CNTN6: variants seen among roughly 807,000 people sequenced by gnomAD.
The protein encoded by CNTN6 is contactin 6, also known as contactin-6.
CNTN6 carries 137 observed loss-of-function variants against 122.8 expected under a neutral mutation model. The observed-to-expected ratio is 1.12, with a 90% confidence interval of 0.97 to 1.29. The LOEUF (loss-of-function observed/expected upper bound fraction) is 1.29. CNTN6 is among the 50% of genes most tolerant of loss of function. The pLI is 0.00. For missense variants in CNTN6, 1,634 were observed against 1,223.4 expected, an observed-to-expected ratio of 1.34 and a Z score of -5.01; for synonymous variants, 570 against 426.0, an observed-to-expected ratio of 1.34 and a Z score of -4.16.
At chr3:1,149,668 G>T (rs899184583) in intron 2 of CNTN6, among the ~76,000 whole-genome samples, 1 of 152,064 alleles carries the variant, frequency 6.6e-6, no homozygotes, top group Non-Finnish European at 1.5e-5. Context: ...AAGATTTGGG[G>T]TTAAATAATA....
At chr3:1,211,716 C>G (rs796177210) in intron 2 of CNTN6, among the ~76,000 whole-genome samples, 4 of 152,076 alleles carry the variant, frequency 2.6e-5, no homozygotes, top group African/African-American at 7.2e-5. Flanking sequence ...TCTACCTCCT[C>G]ATGAGTTTTA....
At chr3:1,354,273 T>C (rs17193327) in intron 12 of CNTN6, among the ~76,000 whole-genome samples, 5,079 of 151,142 alleles carry the variant, frequency 0.034, 117 homozygotes, top group South Asian at 0.057. Flanking sequence ...TAAGTTTATC[T>C]ACACTTTCAA....
chr3:1,364,850 A>C (rs1314783574), intron 12 of CNTN6, among the ~76,000 whole-genome samples: 1 of 151,980 alleles, frequency 6.6e-6, no homozygotes, highest in Non-Finnish European at 1.5e-5. Flanking sequence ...TACTCTTCTT[A>C]AGAATAGGAC....
intron 2 of CNTN6, among the ~76,000 whole-genome samples, chr3:1,198,803 C>T (rs915709683): frequency 4.6e-5 from 7 of 151,990 alleles, no homozygotes; most frequent in African/African-American, 9.7e-5. Context: ...CCAAAGCATC[C>T]GCACCCACTC....
At chr3:1,350,525 T>G (rs1223976379) in intron 11 of CNTN6, among the ~76,000 whole-genome samples, 2 of 151,874 alleles carry the variant, frequency 1.3e-5, no homozygotes, top group Non-Finnish European at 2.9e-5. Flanking sequence ...GATTAGGATT[T>G]CATAGAAATA....
intron 1 of CNTN6, among the ~76,000 whole-genome samples, chr3:1,099,383 G>A (rs1379637476): frequency 1.4e-4 from 21 of 152,038 alleles, no homozygotes; most frequent in Non-Finnish European, 2.1e-4. Context: ...CCCGGGGGGC[G>A]GAGCTTGCAG....
chr3:1,377,079 A>G lies in CNTN6; in HGVS notation c.2166+4A>G. The G allele has an allele frequency of 6.3e-7, 1 of 1,589,366 alleles. No homozygotes were observed. The highest frequency in any genetic ancestry group is 8.6e-7 in the Non-Finnish European group (1 of 1,164,784). On this transcript the variant is annotated splice_donor_region_variant and intron_variant, in intron 17 of 22. Coordinates refer to ENST00000446702, the MANE Select transcript of CNTN6 (RefSeq NM_001289080.2). ...TGAACTCGTCATTACGTGGGAGGTA[A>G]TTTTCTGTCCAACTGAGTTATTTTG...
chr3:1,247,099 C>G (rs544711152), intron 4 of CNTN6, among the ~76,000 whole-genome samples: 56 of 152,210 alleles, frequency 3.7e-4, no homozygotes, highest in Non-Finnish European at 6.6e-4. Context: ...TCCTTGCGAT[C>G]ATATTTTCCT....
At chr3:1,278,345 G>T (rs956753803) in intron 4 of CNTN6, 68 bp from the exon 5 acceptor site, 4 of 1,112,262 alleles carry the variant, frequency 3.6e-6, no homozygotes, top group Non-Finnish European at 5.2e-6. Context: ...ACATTCTTGA[G>T]ATTCTTCTTT....
chr3:1,245,311 T>TATATATATAAC (rs2094565137), intron 4 of CNTN6, among the ~76,000 whole-genome samples: 2 of 17,606 alleles, frequency 1.1e-4, no homozygotes, highest in Non-Finnish European at 2.1e-4. Context: ...TATATATATA[T>TATATATATAAC]ATATATATAT....
intron 6 of CNTN6, among the ~76,000 whole-genome samples, chr3:1,296,386 C>T (rs571002655): frequency 1.3e-5 from 2 of 152,046 alleles, no homozygotes; most frequent in African/African-American, 2.4e-5. Flanking sequence ...TAGTCTCTGA[C>T]GAGCTTTGTA....
intron 2 of CNTN6, among the ~76,000 whole-genome samples, chr3:1,219,937 G>A (rs2094183317): frequency 6.6e-6 from 1 of 151,396 alleles, no homozygotes; most frequent in African/African-American, 2.4e-5. Context: ...AGGAGGTTGA[G>A]GCTGCAGTGA....
chr3:1,383,089 T>G lies in CNTN6; in HGVS notation c.2314T>G (p.Ser772Ala). Residue 772 changes from serine to alanine, a missense_variant, in exon 18 of 23, where the codon TCT becomes GCT. Physicochemically the swap from Ser to Ala is moderately conservative, Grantham distance 99. Transcript: ENST00000446702. ...VYRNESIIPL[S>A]PFEVKVGVYN... ...CAGAAATGAAAGCATCATCCCACTGTCTCCCTTTGAAGTCAAAGTGGGTGT... is the reference window on the plus strand; with the variant it reads ...CAGAAATGAAAGCATCATCCCACTGGCTCCCTTTGAAGTCAAAGTGGGTGT... The G allele has an allele frequency of 6.2e-7, 1 of 1,614,010 alleles. No individual in the cohort carries two copies. The highest frequency in any genetic ancestry group is 8.5e-7 in the Non-Finnish European group (1 of 1,179,912).
intron 7 of CNTN6, among the ~76,000 whole-genome samples, chr3:1,311,299 G>GTATATGTACATATAAAATGTATATATACA (rs1559786655): frequency 7.2e-6 from 1 of 138,766 alleles, no homozygotes; most frequent in Non-Finnish European, 1.5e-5. Context: ...ATACATATAC[G>GTATATGTACATATAAAATGTATATATACA]TATATGTACA....
chr3:1,099,918 A>G (rs2090787092), intron 1 of CNTN6, among the ~76,000 whole-genome samples: 1 of 152,222 alleles, frequency 6.6e-6, no homozygotes, highest in South Asian at 2.1e-4. Context: ...CTATTTTAAC[A>G]TAAAATGTAC....
At chr3:1,266,654 T>C (rs2094930434) in intron 4 of CNTN6, among the ~76,000 whole-genome samples, 1 of 152,198 alleles carries the variant, frequency 6.6e-6, no homozygotes, top group Non-Finnish European at 1.5e-5. Context: ...TATTAAGGGC[T>C]CTGTCTATGA....
At chr3:1,200,665 T>C (rs1201616174) in intron 2 of CNTN6, among the ~76,000 whole-genome samples, 1 of 152,166 alleles carries the variant, frequency 6.6e-6, no homozygotes, top group Non-Finnish European at 1.5e-5. Flanking sequence ...AATTTGGACA[T>C]GTTTTCCAAA....
At chr3:1,230,005 G>C (rs1266980374) in intron 4 of CNTN6, among the ~76,000 whole-genome samples, 6 of 152,176 alleles carry the variant, frequency 3.9e-5, no homozygotes, top group African/African-American at 1.4e-4. Context: ...TTGTATCCGG[G>C]GAGACATGTG....
intron 1 of CNTN6, among the ~76,000 whole-genome samples, chr3:1,120,313 T>G (rs2091901357): frequency 6.6e-6 from 1 of 152,030 alleles, no homozygotes; most frequent in African/African-American, 2.4e-5. Flanking sequence ...TTTACATTCC[T>G]GCCAGCAATA....
Sources: gnomAD v4.1 joint callset for allele counts (sites outside exome capture counted in the v4.1 genomes callset) on GRCh38, gnomAD v4.1.1 for gene constraint, MANE v1.5 for transcripts, NCBI Gene and HGNC (gene_info 2026-07-23, HGNC 2026-07-21) for gene names.